The following CSMD2 variants were observed in gnomAD, a reference collection of about 807,000 sequenced individuals.
The protein encoded by CSMD2 is CUB and Sushi multiple domains 2.
A neutral mutation model predicts 398.5 loss-of-function variants in CSMD2; 130 were observed. That is an observed-to-expected ratio of 0.33 (90% CI 0.28 to 0.38). CSMD2 has a LOEUF of 0.38. Among genes scored for constraint, CSMD2 ranks in the 10% least tolerant of loss-of-function variants. CSMD2 has a pLI of 1.00. For synonymous variants in CSMD2, 1,828 were observed against 1,908.5 expected (o/e 0.96, Z 1.10); for missense variants, 3,829 against 4,764.9 (o/e 0.80, Z 5.78).
chr1:33,847,783 A>G (rs560477178), intron 5 of CSMD2, among the ~76,000 whole-genome samples: 1 of 152,160 alleles, frequency 6.6e-6, no homozygotes, highest in East Asian at 1.9e-4. Context: ...AACTACAGAA[A>G]CCCTCTGAGA....
intron 28 of CSMD2, among the ~76,000 whole-genome samples, chr1:33,652,111 G>A (rs553307384): frequency 4.6e-5 from 7 of 152,270 alleles, no homozygotes; most frequent in South Asian, 2.1e-4. Context: ...TTACTACAAG[G>A]ATTAGATGTG....
chr1:33,646,930 G>A, intron 28 of CSMD2, 95 bp from the exon 29 acceptor site: 2 of 1,268,786 alleles, frequency 1.6e-6, no homozygotes, highest in Non-Finnish European at 2.2e-6. Flanking sequence ...GGCCTCCCAG[G>A]GAGCAAGCCC....
At chr1:33,945,175 C>T (rs1159254383) in intron 3 of CSMD2, among the ~76,000 whole-genome samples, 1 of 152,084 alleles carries the variant, frequency 6.6e-6, no homozygotes, top group Non-Finnish European at 1.5e-5. Flanking sequence ...AAGAAGGAAA[C>T]ATCATAGGCC....
At chr1:34,018,219 AATGCTATT>A in intron 3 of CSMD2, among the ~76,000 whole-genome samples, 1 of 152,328 alleles carries the variant, frequency 6.6e-6, no homozygotes, top group African/African-American at 2.4e-5. Context: ...ATTGCCAAAT[AATGCTATT>A]ATACTTTTAA....
intron 12 of CSMD2, among the ~76,000 whole-genome samples, chr1:33,779,253 A>G (rs998599355): frequency 6.6e-6 from 1 of 152,106 alleles, no homozygotes; most frequent in African/African-American, 2.4e-5. Flanking sequence ...ACGGCACAGC[A>G]ATGAGTGATC....
chr1:33,747,508 G>A (rs6682875), intron 13 of CSMD2, among the ~76,000 whole-genome samples: 55,842 of 152,070 alleles, frequency 0.37, 11,786 homozygotes, highest in African/African-American at 0.59. Context: ...GAAATAGCTT[G>A]TCTTCAAAAT....
chr1:33,945,116 A>G (rs1489550064), intron 3 of CSMD2, among the ~76,000 whole-genome samples: 1 of 151,892 alleles, frequency 6.6e-6, no homozygotes, highest in Non-Finnish European at 1.5e-5. Context: ...TAACCACAGA[A>G]CCCATGGCTT....
At chr1:33,762,620 T>C (rs75104393) in intron 13 of CSMD2, among the ~76,000 whole-genome samples, 1 of 152,334 alleles carries the variant, frequency 6.6e-6, no homozygotes, top group Non-Finnish European at 1.5e-5. Flanking sequence ...TGGGTTGGAT[T>C]GGACTGAAAT....
In CSMD2 at chr1:33,541,313, G is replaced by A. The variant is rs763994386; in HGVS notation, c.9278-4C>T. 6.2e-7 allele frequency: 1 copy of A among 1,612,928 alleles called. No individual in the cohort carries two copies. The highest frequency in any genetic ancestry group is 8.5e-7 in the Non-Finnish European group (1 of 1,179,016). ...CCAGGGTCACCACAGTTTATGACTA[G>A]GATAAGAGAGATATAGCATTGTTCA... On this transcript the variant is annotated splice_region_variant and splice_polypyrimidine_tract_variant and intron_variant, in intron 58 of 70. Coordinates refer to ENST00000373381, the MANE Select transcript of CSMD2 (RefSeq NM_001281956.2).
chr1:33,988,346 G>A (rs564184356), intron 3 of CSMD2, among the ~76,000 whole-genome samples: 41 of 152,298 alleles, frequency 2.7e-4, no homozygotes, highest in African/African-American at 9.1e-4. Flanking sequence ...CCCTAAGGGA[G>A]TGTCTGAGAA....
At chr1:33,888,710 C>T (rs527267065) in intron 5 of CSMD2, among the ~76,000 whole-genome samples, 3 of 152,028 alleles carry the variant, frequency 2.0e-5, no homozygotes, top group Non-Finnish European at 4.4e-5. Flanking sequence ...AACCAAGACA[C>T]AAAACTGAGA....
At chr1:33,540,498 C>T in intron 60 of CSMD2, 27 bp downstream of exon 60, 1 of 1,612,510 alleles carries the variant, frequency 6.2e-7, no homozygotes, top group Non-Finnish European at 8.5e-7. Context: ...GAAGAGGATG[C>T]ACCAAAGGCC....
intron 1 of CSMD2, among the ~76,000 whole-genome samples, chr1:34,135,714 T>G (rs746197332): frequency 1.3e-4 from 20 of 151,280 alleles, no homozygotes; most frequent in Non-Finnish European, 1.8e-4. Context: ...GATAAATCTA[T>G]GTACACCTAC....
intron 29 of CSMD2, among the ~76,000 whole-genome samples, chr1:33,641,634 G>A (rs1643112120): frequency 6.6e-6 from 1 of 152,202 alleles, no homozygotes; most frequent in Non-Finnish European, 1.5e-5. Context: ...ACTGCATTCA[G>A]AATCATCTCC....
intron 1 of CSMD2, among the ~76,000 whole-genome samples, chr1:34,133,380 C>G (rs1387063620): frequency 6.6e-6 from 1 of 152,298 alleles, no homozygotes; most frequent in Non-Finnish European, 1.5e-5. Context: ...CCTGTAATCC[C>G]AGCACTCTGG....
chr1:34,153,687 G>A (rs1212954826), intron 1 of CSMD2, among the ~76,000 whole-genome samples: 1 of 152,182 alleles, frequency 6.6e-6, no homozygotes, highest in African/African-American at 2.4e-5. Context: ...GGGGCCTTCG[G>A]GAAACACAGG....
chr1:33,637,333 A>AT (rs1478315348), intron 29 of CSMD2, among the ~76,000 whole-genome samples: 1 of 152,002 alleles, frequency 6.6e-6, no homozygotes, highest in African/African-American at 2.4e-5. Flanking sequence ...AAACCACAGT[A>AT]TTTTTTTCAT....
chr1:33,921,523 G>A (rs181032861), intron 4 of CSMD2, among the ~76,000 whole-genome samples: 242 of 152,278 alleles, frequency 1.6e-3, no homozygotes, highest in African/African-American at 5.4e-3. Flanking sequence ...CTTCGCCCTG[G>A]GCACAATGGC....
chr1:33,975,525 G>T (rs1536110), intron 3 of CSMD2, among the ~76,000 whole-genome samples: 72,415 of 150,046 alleles, frequency 0.48, 18,004 homozygotes, highest in East Asian at 0.73. Flanking sequence ...GTGCATAAAT[G>T]TCCCAAGTCC....
Sources: allele counts gnomAD v4.1 joint callset (sites outside exome capture counted in the v4.1 genomes callset), GRCh38; gene constraint gnomAD v4.1.1; transcripts MANE v1.5; gene names NCBI Gene and HGNC (gene_info 2026-07-23, HGNC 2026-07-21).